The following NXPH2 variants were observed in gnomAD, a reference collection of about 807,000 sequenced individuals.
NXPH2 encodes the protein neurexophilin-2.
In NXPH2, 5 loss-of-function variants were observed where a neutral mutation model predicts 19.8. The ratio of observed to expected loss-of-function variants is 0.25; its 90% CI spans 0.13 to 0.53. NXPH2 has a LOEUF of 0.53. Among genes scored for constraint, NXPH2 ranks in the 20% least tolerant of loss-of-function variants. The pLI, the probability that NXPH2 is intolerant of heterozygous loss-of-function variation, is 0.96. For synonymous variants in NXPH2, 154 were observed against 127.4 expected (o/e 1.21, Z -1.41); for missense variants, 289 against 322.8 (o/e 0.90, Z 0.80).
intron 1 of NXPH2, among the ~76,000 whole-genome samples, chr2:138,759,768 G>A (rs1470138501): frequency 2.8e-5 from 4 of 140,360 alleles, no homozygotes; most frequent in Non-Finnish European, 6.0e-5. Context: ...CTTGCTCTGT[G>A]GTCCAGGCTG....
In NXPH2 at chr2:138,722,588, G is replaced by A. The variant is rs529764811; in HGVS notation, c.52-50923C>T. 4.8e-4 allele frequency among the ~76,000 whole-genome samples: 73 copies of A among 152,334 alleles called. 1 individual carries two copies. The South Asian group carries it at 7.7e-3, about 16-fold the overall frequency. On this transcript the variant is annotated intron_variant, in intron 1 of 1. Transcript: ENST00000272641. ...ACTGCAGTGTTGAGTGCAGACTGTA[G>A]GGGACAGTGGGAGGAGAGATCTTCC... is the stretch of plus-strand genomic sequence containing the variant.
rs375755351 is a variant in NXPH2, at chr2:138,713,086, A to G, written c.52-41421T>C. Among the ~76,000 whole-genome samples, 9 of 152,374 alleles carry G rather than the reference A, an allele frequency of 5.9e-5. No homozygotes were observed. The South Asian group carries it at 8.3e-4, about 14-fold the overall frequency. On this transcript the variant is annotated intron_variant, in intron 1 of 1. Coordinates refer to ENST00000272641, the MANE Select transcript of NXPH2 (RefSeq NM_007226.3). ...TTCCAGGTCTTCAGTAATTGACTAT[A>G]GAGAAACAGTCCTTGCTAAGTCCCA...
At chr2:138,761,836 G>A (rs1682022531) in intron 1 of NXPH2, among the ~76,000 whole-genome samples, 1 of 152,170 alleles carries the variant, frequency 6.6e-6, no homozygotes, top group African/African-American at 2.4e-5. Flanking sequence ...GGCATCTAAA[G>A]CTAACCATTT....
At chr2:138,691,707 G>A (rs1312120695) in intron 1 of NXPH2, among the ~76,000 whole-genome samples, 1 of 152,166 alleles carries the variant, frequency 6.6e-6, no homozygotes, top group East Asian at 1.9e-4. Context: ...TGGAGGCCCT[G>A]AAATACATGG....
At position 138,721,764 on chromosome 2, in the gene NXPH2, G is replaced by A. The variant is rs775767702; in HGVS notation, c.52-50099C>T. ...CGCTTTCTTACCTTTCTTCTCTCTC[G>A]GCAAACCTAAAACTGATAAAGCTTT... On this transcript the variant is annotated intron_variant, in intron 1 of 1. Transcript: ENST00000272641. Among the ~76,000 whole-genome samples the A allele has an allele frequency of 2.0e-4, 31 of 152,058 alleles. 1 individual carries two copies. The highest frequency in any genetic ancestry group is 4.4e-4 in the Non-Finnish European group (30 of 68,026).
At chr2:138,697,529 A>C (rs981816035) in intron 1 of NXPH2, among the ~76,000 whole-genome samples, 1 of 151,968 alleles carries the variant, frequency 6.6e-6, no homozygotes, top group Non-Finnish European at 1.5e-5. Context: ...AAAATACTAT[A>C]AGTGGGGAAA....
intron 1 of NXPH2, among the ~76,000 whole-genome samples, chr2:138,764,545 T>C (rs781664128): frequency 1.3e-5 from 2 of 152,208 alleles, no homozygotes; most frequent in Non-Finnish European, 2.9e-5. Context: ...TATAGGCACA[T>C]TAGGACAGCA....
At chr2:138,705,792 A>G (rs1452361870) in intron 1 of NXPH2, among the ~76,000 whole-genome samples, 1 of 112,002 alleles carries the variant, frequency 8.9e-6, no homozygotes, top group Admixed American at 9.9e-5. Context: ...GAACAAGCTC[A>G]GTGATTCTTC....
At chr2:138,739,109 G>A (rs1681604970) in intron 1 of NXPH2, among the ~76,000 whole-genome samples, 1 of 152,148 alleles carries the variant, frequency 6.6e-6, no homozygotes. Context: ...CACGGGAAAT[G>A]TTTTACTGCC....
chr2:138,729,989 C>T (rs914024901), intron 1 of NXPH2, among the ~76,000 whole-genome samples: 21 of 152,014 alleles, frequency 1.4e-4, no homozygotes, highest in Non-Finnish European at 2.1e-4. Context: ...CCAAGATCAA[C>T]GTGTCAGTAA....
chr2:138,757,059 T>C (rs1320540105), intron 1 of NXPH2, among the ~76,000 whole-genome samples: 2 of 152,214 alleles, frequency 1.3e-5, no homozygotes, highest in African/African-American at 2.4e-5. Flanking sequence ...TCTATCACAA[T>C]GCAAGGCTAC....
chr2:138,746,266 T>C (rs2105009158), intron 1 of NXPH2, among the ~76,000 whole-genome samples: 1 of 152,368 alleles, frequency 6.6e-6, no homozygotes, highest in South Asian at 2.1e-4. Context: ...CCCTCTGTTA[T>C]CTGCCTGTGC....
At chr2:138,708,739 A>G (rs1681054835) in intron 1 of NXPH2, among the ~76,000 whole-genome samples, 1 of 152,224 alleles carries the variant, frequency 6.6e-6, no homozygotes, top group African/African-American at 2.4e-5. Flanking sequence ...TGTGAACTGG[A>G]AAACCTCCAA....
chr2:138,740,228 G>T (rs1286475319), intron 1 of NXPH2, among the ~76,000 whole-genome samples: 2 of 152,172 alleles, frequency 1.3e-5, no homozygotes. Flanking sequence ...ACTGGGCCTT[G>T]GGTAACTTAG....
At position 138,671,624 on chromosome 2, in the gene NXPH2, C is replaced by A; in HGVS notation, c.93G>T (p.Gly31=). The change falls in exon 2 of 2, where the codon GGG becomes GGT. Residue 31 remains glycine (G), a synonymous_variant. Coordinates refer to ENST00000272641, the MANE Select transcript of NXPH2 (RefSeq NM_007226.3). ...DSKEVVHATE[G]LDWEDKDAPG... Reference sequence around the variant, plus strand: ...GAGCATCTTTGTCTTCCCAATCCAGCCCCTCCGTGGCATGCACCACTTCCT... The same window carrying A: ...GAGCATCTTTGTCTTCCCAATCCAGACCCTCCGTGGCATGCACCACTTCCT... 1 of 1,600,638 alleles carries A rather than the reference C, an allele frequency of 6.2e-7. No individual in the cohort carries two copies. Among genetic ancestry groups the A allele is most frequent in the Admixed American group, 1.7e-5 (1 of 58,070 alleles).
Position 138,671,102 on chromosome 2 carries a change from A to G in NXPH2, c.615T>C (p.Phe205=), listed in dbSNP as rs1164031883. The change falls in exon 2 of 2, where the codon TTT becomes TTC. Residue 205 remains phenylalanine, a synonymous_variant. Transcript: ENST00000272641. ...CCTGGTAGCAGATCTTGGATGGGTC[A>G]AAGTTGCACAGGGCGGTCTTTTTCG... ...DRAKKTALCN[F]DPSKICYQEQ... 13 of 1,613,992 alleles carry G rather than the reference A, an allele frequency of 8.1e-6. No individual in the cohort carries two copies. The highest frequency in any genetic ancestry group is 1.3e-5 in the African/African-American group (1 of 75,050).
intron 1 of NXPH2, among the ~76,000 whole-genome samples, chr2:138,733,036 C>G (rs1681475882): frequency 6.6e-6 from 1 of 152,174 alleles, no homozygotes; most frequent in Non-Finnish European, 1.5e-5. Flanking sequence ...GTTTGACATG[C>G]ACAAATCCTT....
intron 1 of NXPH2, among the ~76,000 whole-genome samples, chr2:138,691,109 G>C (rs961997531): frequency 6.6e-6 from 1 of 152,186 alleles, no homozygotes; most frequent in South Asian, 2.1e-4. Flanking sequence ...TGTGGAGAAA[G>C]GGCACAAGGT....
chr2:138,738,044 T>C (rs1681580604), intron 1 of NXPH2, among the ~76,000 whole-genome samples: 1 of 151,740 alleles, frequency 6.6e-6, no homozygotes, highest in South Asian at 2.1e-4. Flanking sequence ...ATTAGGTGTA[T>C]CTCCTAATGC....
Sources: gnomAD v4.1 joint callset for allele counts (sites outside exome capture counted in the v4.1 genomes callset) on GRCh38, gnomAD v4.1.1 for gene constraint, MANE v1.5 for transcripts, NCBI Gene and HGNC (gene_info 2026-07-23, HGNC 2026-07-21) for gene names.